The following FARS2 variants were observed in gnomAD, a reference collection of about 807,000 sequenced individuals.
FARS2 encodes the protein phenylalanyl-tRNA synthetase 2, mitochondrial.
Under a neutral mutation model 46.4 loss-of-function variants are expected in FARS2, and 40 were observed. The observed-to-expected ratio is 0.86, with a 90% CI of 0.67 to 1.12. FARS2 has a LOEUF of 1.12. FARS2 is among the 50% of genes most tolerant of loss of function. The pLI is 0.00. For synonymous variants in FARS2, 234 were observed against 214.9 expected (o/e 1.09, Z -0.78); for missense variants, 513 against 567.9 (o/e 0.90, Z 0.98).
chr6:5,481,751 G>A (rs925679603), intron 4 of FARS2, among the ~76,000 whole-genome samples: 2 of 152,090 alleles, frequency 1.3e-5, no homozygotes, highest in African/African-American at 4.8e-5. Flanking sequence ...AATTTGGGGT[G>A]TCAGCATGCA....
intron 6 of FARS2, among the ~76,000 whole-genome samples, chr6:5,674,261 T>G (rs957587777): frequency 6.7e-6 from 1 of 149,550 alleles, no homozygotes; most frequent in Non-Finnish European, 1.5e-5. Context: ...TCAGAGAAAT[T>G]GCCACATCTT....
At chr6:5,313,053 G>A (rs1245585363) in intron 1 of FARS2, among the ~76,000 whole-genome samples, 1 of 152,214 alleles carries the variant, frequency 6.6e-6, no homozygotes, top group Non-Finnish European at 1.5e-5. Context: ...GAGAAAAAGT[G>A]TGTGGTGGTA....
intron 5 of FARS2, among the ~76,000 whole-genome samples, chr6:5,546,262 T>G (rs1260498146): frequency 1.3e-5 from 2 of 150,778 alleles, no homozygotes; most frequent in East Asian, 3.9e-4. Context: ...GTACTTTTTT[T>G]TTTTTTTTTT....
chr6:5,733,385 A>G lies in FARS2; in HGVS notation c.1218-37906A>G, dbSNP rs145193260. 9.1e-4 allele frequency among the ~76,000 whole-genome samples: 138 copies of G among 152,328 alleles called. 5 individuals carry two copies. In the East Asian group the frequency reaches 0.024, roughly 26 times the overall value. ...TGGAGTGTGTCCTGAATCATTTCAAATTACAGCAGGAGGTCACGTGGGCCA... is the reference window on the plus strand; with the variant it reads ...TGGAGTGTGTCCTGAATCATTTCAAGTTACAGCAGGAGGTCACGTGGGCCA... On this transcript the variant is annotated intron_variant, in intron 6 of 6. Transcript: ENST00000274680.
At chr6:5,693,846 C>G in intron 6 of FARS2, among the ~76,000 whole-genome samples, 1 of 152,198 alleles carries the variant, frequency 6.6e-6, no homozygotes, top group East Asian at 1.9e-4. Context: ...GCAGTGTCTT[C>G]TGAATTGTTA....
At chr6:5,577,941 A>G (rs1773085237) in intron 5 of FARS2, among the ~76,000 whole-genome samples, 1 of 152,128 alleles carries the variant, frequency 6.6e-6, no homozygotes, top group Non-Finnish European at 1.5e-5. Context: ...AGCTGGGACT[A>G]CAGGCACTTG....
Position 5,613,248 on chromosome 6 carries a change from A to G in FARS2, c.1145A>G (p.Tyr382Cys), listed in dbSNP as rs1472285290. 3 of 1,613,530 alleles carry G rather than the reference A, an allele frequency of 1.9e-6. No individual in the cohort carries two copies. The highest frequency in any genetic ancestry group is 1.1e-5 in the South Asian group (1 of 91,056). Residue 382 changes from tyrosine to cysteine, a missense_variant, in exon 6 of 7, where the codon TAT becomes TGT. By Grantham distance (194) the Tyr-to-Cys change is radical (BLOSUM62 -2). Coordinates refer to ENST00000274680, the MANE Select transcript of FARS2 (RefSeq NM_006567.5). Reference protein sequence around the residue: ...PSENYAENDFYDLVRTIGGDL... With the variant: ...PSENYAENDFCDLVRTIGGDL... ...GAGAATTACGCAGAAAATGATTTCTATGACTTAGTCCGAACAATTGGAGGA... is the reference window on the plus strand; with the variant it reads ...GAGAATTACGCAGAAAATGATTTCTGTGACTTAGTCCGAACAATTGGAGGA...
intron 6 of FARS2, among the ~76,000 whole-genome samples, chr6:5,760,959 G>A (rs374298830): frequency 9.1e-4 from 139 of 152,310 alleles, no homozygotes; most frequent in South Asian, 4.1e-3. Flanking sequence ...GTCATGCGCC[G>A]TCTGAAGAGG....
Position 5,639,280 on chromosome 6 carries a change from C to A in FARS2, c.1217+25960C>A, listed in dbSNP as rs115484765. Among the ~76,000 whole-genome samples the A allele has an allele frequency of 4.4e-3, 672 of 152,364 alleles. 12 individuals carry two copies. Among genetic ancestry groups the A allele is most frequent in the African/African-American group, 0.015 (627 of 41,578 alleles). Reference sequence around the variant, plus strand: ...GTTTCTTCAGCCTTTCGGTGGCCAGCATATTCCCAGTGCCAGGGCCCAGTC... The same window carrying A: ...GTTTCTTCAGCCTTTCGGTGGCCAGAATATTCCCAGTGCCAGGGCCCAGTC... On this transcript the variant is annotated intron_variant, in intron 6 of 6. Coordinates refer to ENST00000274680, the MANE Select transcript of FARS2 (RefSeq NM_006567.5).
upstream of FARS2, chr6:5,260,598 T>TGCCCCG: frequency 1.8e-6 from 2 of 1,105,564 alleles, no homozygotes; most frequent in Non-Finnish European, 2.6e-6. Flanking sequence ...GCACCCCCGG[T>TGCCCCG]CCCCGGCCCC....
chr6:5,539,689 T>C (rs1770493788), intron 4 of FARS2, among the ~76,000 whole-genome samples: 1 of 152,150 alleles, frequency 6.6e-6, no homozygotes, highest in Non-Finnish European at 1.5e-5. Context: ...GCCAATGTGA[T>C]TAATGACTTT....
intron 2 of FARS2, among the ~76,000 whole-genome samples, chr6:5,386,641 A>G (rs867779719): frequency 1.3e-5 from 2 of 152,120 alleles, no homozygotes; most frequent in Non-Finnish European, 2.9e-5. Context: ...AATTAATTGG[A>G]TTTTATCCCT....
chr6:5,339,433 C>CTTT (rs879580170), intron 1 of FARS2, among the ~76,000 whole-genome samples: 1 of 144,548 alleles, frequency 6.9e-6, no homozygotes, highest in Non-Finnish European at 1.5e-5. Context: ...CAGGAGACTT[C>CTTT]TTTTTTTTTT....
chr6:5,250,926 A>T, the FARS2 span, among the ~76,000 whole-genome samples: 2 of 152,348 alleles, frequency 1.3e-5, no homozygotes, highest in Admixed American at 1.3e-4. Flanking sequence ...AATGTTATTT[A>T]AAAAATATTT....
chr6:5,501,016 G>A (rs1170412357), intron 4 of FARS2, among the ~76,000 whole-genome samples: 1 of 151,796 alleles, frequency 6.6e-6, no homozygotes, highest in East Asian at 1.9e-4. Context: ...GGGGCTAGAA[G>A]AGGGAATGCA....
chr6:5,299,704 G>T (rs531230411), intron 1 of FARS2, among the ~76,000 whole-genome samples: 1 of 94,400 alleles, frequency 1.1e-5, no homozygotes, highest in East Asian at 3.8e-4. Context: ...CCTCCAAGAA[G>T]CCCTGTTGTG....
At chr6:5,522,565 G>A (rs1561682636) in intron 4 of FARS2, among the ~76,000 whole-genome samples, 1 of 152,266 alleles carries the variant, frequency 6.6e-6, no homozygotes, top group Non-Finnish European at 1.5e-5. Flanking sequence ...ACCAGCGGAA[G>A]TATGTTTTTG....
chr6:5,625,224 A>G (rs978030407), intron 6 of FARS2, among the ~76,000 whole-genome samples: 2 of 152,258 alleles, frequency 1.3e-5, no homozygotes, highest in Middle Eastern at 3.4e-3. Context: ...GGTAACACCT[A>G]CTGGAGTCAC....
intron 6 of FARS2, among the ~76,000 whole-genome samples, chr6:5,667,363 C>T (rs950274512): frequency 5.3e-5 from 8 of 151,728 alleles, no homozygotes; most frequent in African/African-American, 7.3e-5. Context: ...ACTAAAAATA[C>T]GAAAATTAGC....
Sources: gnomAD v4.1 joint callset for allele counts (sites outside exome capture counted in the v4.1 genomes callset) on GRCh38, gnomAD v4.1.1 for gene constraint, MANE v1.5 for transcripts, NCBI Gene and HGNC (gene_info 2026-07-23, HGNC 2026-07-21) for gene names.